The following MALRD1 variants were observed in gnomAD, a reference collection of about 807,000 sequenced individuals.
MALRD1 encodes the protein MAM and LDL-receptor class A domain-containing protein 1.
In MALRD1, 247 loss-of-function variants were observed where a neutral mutation model predicts 242.1. The ratio of observed to expected loss-of-function variants is 1.02; its 90% confidence interval spans 0.92 to 1.13. MALRD1 has a LOEUF of 1.13. Ranked by LOEUF, MALRD1 falls within the 50% of genes most tolerant of loss-of-function variation. MALRD1 has a pLI of 0.00. For missense variants in MALRD1, 2,989 were observed against 2,533.1 expected (o/e 1.18, Z -3.86); for synonymous variants, 995 against 866.6 (o/e 1.15, Z -2.60).
chr10:19,102,761 C>CT (rs1836313951), intron 4 of MALRD1, among the ~76,000 whole-genome samples: 1 of 152,102 alleles, frequency 6.6e-6, no homozygotes, highest in Admixed American at 6.5e-5. Context: ...AGACTGGCTT[C>CT]TTTTTAAGTT....
chr10:19,612,845 T>C (rs1230451506), intron 35 of MALRD1, among the ~76,000 whole-genome samples: 1 of 151,834 alleles, frequency 6.6e-6, no homozygotes, highest in African/African-American at 2.4e-5. Flanking sequence ...TGGTGACCTA[T>C]TAGAAACCAC....
intron 2 of MALRD1, among the ~76,000 whole-genome samples, chr10:19,083,407 G>T (rs890670667): frequency 1.5e-4 from 23 of 152,062 alleles, no homozygotes; most frequent in African/African-American, 5.5e-4. Context: ...AGATTTGCAG[G>T]AATATGTTGG....
chr10:19,193,836 A>AG (rs1836105400), intron 14 of MALRD1, among the ~76,000 whole-genome samples: 1 of 68,044 alleles, frequency 1.5e-5, no homozygotes, highest in South Asian at 6.3e-4. Flanking sequence ...GTCTGGGGGA[A>AG]AAAAAATATA....
chr10:19,414,923 C>T (rs770581873), intron 28 of MALRD1, among the ~76,000 whole-genome samples: 1 of 152,176 alleles, frequency 6.6e-6, no homozygotes, highest in Non-Finnish European at 1.5e-5. Context: ...ATACTGATTA[C>T]AGACAGGACC....
intron 26 of MALRD1, among the ~76,000 whole-genome samples, chr10:19,371,090 A>AT (rs1425463871): frequency 1.0e-4 from 8 of 77,702 alleles, no homozygotes; most frequent in Middle Eastern, 5.4e-3. Context: ...TCTCTACGAA[A>AT]TTAAAAAAAA....
chr10:19,283,250 C>A (rs1840911221), intron 21 of MALRD1, 69 bp downstream of exon 21: 3 of 1,277,960 alleles, frequency 2.3e-6, no homozygotes, highest in East Asian at 5.8e-5. Context: ...AATTTCTGCC[C>A]CCACCACCTT....
At chr10:19,151,344 C>T (rs1245059848) in intron 11 of MALRD1, among the ~76,000 whole-genome samples, 2 of 152,030 alleles carry the variant, frequency 1.3e-5, no homozygotes, top group Non-Finnish European at 2.9e-5. Context: ...TTATTGCTGA[C>T]ATATAGAAGT....
chr10:19,187,364 T>C (rs1426446545), intron 14 of MALRD1, among the ~76,000 whole-genome samples: 1 of 150,068 alleles, frequency 6.7e-6, no homozygotes, highest in Non-Finnish European at 1.5e-5. Flanking sequence ...TCCAAGAGAG[T>C]GGTCATAGTA....
chr10:19,393,744 C>A (rs12249053), intron 28 of MALRD1, among the ~76,000 whole-genome samples: 1 of 151,834 alleles, frequency 6.6e-6, no homozygotes, highest in Non-Finnish European at 1.5e-5. Flanking sequence ...CGTGAGCCAC[C>A]GCGCCCGGCC....
chr10:19,672,190 C>T (rs1841951467), intron 36 of MALRD1, among the ~76,000 whole-genome samples: 1 of 151,948 alleles, frequency 6.6e-6, no homozygotes, highest in South Asian at 2.1e-4. Flanking sequence ...TCATTTTGTC[C>T]AAGGGTGTGA....
intron 28 of MALRD1, among the ~76,000 whole-genome samples, chr10:19,449,029 T>G (rs929402386): frequency 2.6e-5 from 4 of 152,098 alleles, no homozygotes; most frequent in Non-Finnish European, 5.9e-5. Context: ...ACAATATGAG[T>G]AGAAGTTTGG....
chr10:19,392,390 A>G (rs983563404), intron 28 of MALRD1, among the ~76,000 whole-genome samples: 5 of 152,148 alleles, frequency 3.3e-5, no homozygotes, highest in Non-Finnish European at 5.9e-5. Flanking sequence ...TAATATTGAA[A>G]TGAAGATCCC....
chr10:19,602,383 A>C (rs1418480605), intron 34 of MALRD1, among the ~76,000 whole-genome samples: 3 of 124,408 alleles, frequency 2.4e-5, no homozygotes, highest in Admixed American at 9.0e-5. Context: ...GTGTGATGTT[A>C]CCCTTCCTGT....
At chr10:19,490,151 G>C (rs979830559) in intron 29 of MALRD1, among the ~76,000 whole-genome samples, 1 of 152,074 alleles carries the variant, frequency 6.6e-6, no homozygotes, top group Non-Finnish European at 1.5e-5. Context: ...TAGGAATTGT[G>C]TACATATTGA....
At chr10:19,695,057 C>G (rs1833302346) in intron 38 of MALRD1, among the ~76,000 whole-genome samples, 1 of 152,124 alleles carries the variant, frequency 6.6e-6, no homozygotes, top group South Asian at 2.1e-4. Flanking sequence ...TGACATCACA[C>G]ACCGGGGCCT....
At chr10:19,207,484 A>G (rs1836834270) in intron 17 of MALRD1, among the ~76,000 whole-genome samples, 1 of 151,958 alleles carries the variant, frequency 6.6e-6, no homozygotes, top group Non-Finnish European at 1.5e-5. Flanking sequence ...ATACATACCT[A>G]TGATAAAGAT....
At chr10:19,585,276 A>G (rs1589269057) in intron 33 of MALRD1, among the ~76,000 whole-genome samples, 1 of 150,768 alleles carries the variant, frequency 6.6e-6, no homozygotes. Context: ...TTATGATGTT[A>G]GCTGGTTATT....
intron 4 of MALRD1, among the ~76,000 whole-genome samples, chr10:19,103,562 A>AAAT (rs1554789202): frequency 1.8e-4 from 25 of 142,658 alleles, no homozygotes; most frequent in East Asian, 7.2e-4. Flanking sequence ...AAAAAAAAAA[A>AAAT]AAATAAATAA....
chr10:19,455,957 A>G (rs886621586), intron 29 of MALRD1, among the ~76,000 whole-genome samples: 44 of 152,262 alleles, frequency 2.9e-4, no homozygotes, highest in Admixed American at 2.5e-3. Flanking sequence ...TTCTACTTAC[A>G]GGACCCCTCT....
Sources: gnomAD v4.1 joint callset for allele counts (sites outside exome capture counted in the v4.1 genomes callset) on GRCh38, gnomAD v4.1.1 for gene constraint, MANE v1.5 for transcripts, NCBI Gene and HGNC (gene_info 2026-07-23, HGNC 2026-07-21) for gene names.